Variants in SLC7A2 observed in about 807,000 individuals in gnomAD.
SLC7A2 encodes cationic amino acid transporter 2.
SLC7A2 carries 48 observed loss-of-function variants against 58.9 expected under a neutral mutation model. The ratio of observed to expected loss-of-function variants is 0.82; its 90% CI spans 0.65 to 1.04. SLC7A2 has a LOEUF of 1.04. Among genes scored for constraint, SLC7A2 ranks in the 50% least tolerant of loss-of-function variants. SLC7A2 has a pLI of 0.00. For synonymous variants in SLC7A2, 363 were observed against 314.5 expected (o/e 1.15, Z -1.63); for missense variants, 1,029 against 818.8 (o/e 1.26, Z -3.13).
At chr8:17,564,310 G>A (rs1224302336) in intron 12 of SLC7A2, among the ~76,000 whole-genome samples, 1 of 152,144 alleles carries the variant, frequency 6.6e-6, no homozygotes, top group East Asian at 1.9e-4. Flanking sequence ...TGACTTCTAA[G>A]AACATCAATT....
At chr8:17,516,291 T>C (rs1014666563) in intron 2 of SLC7A2, among the ~76,000 whole-genome samples, 1 of 152,142 alleles carries the variant, frequency 6.6e-6, no homozygotes, top group African/African-American at 2.4e-5. Flanking sequence ...AGTGGCAAGA[T>C]CTCGGCTCAC....
intron 2 of SLC7A2, 30 bp from the exon 3 acceptor site, chr8:17,543,288 T>A: frequency 6.4e-7 from 1 of 1,554,926 alleles, no homozygotes; most frequent in Non-Finnish European, 8.7e-7. Flanking sequence ...CAATTCCAGA[T>A]CAGCTTCTAA....
chr8:17,524,927 C>T (rs1247112116), intron 2 of SLC7A2, among the ~76,000 whole-genome samples: 2 of 152,070 alleles, frequency 1.3e-5, no homozygotes, highest in Non-Finnish European at 2.9e-5. Flanking sequence ...AGCACTTTAA[C>T]TTTTGGAAGT....
intron 2 of SLC7A2, among the ~76,000 whole-genome samples, chr8:17,534,113 C>A (rs1026804811): frequency 2.6e-5 from 4 of 152,154 alleles, no homozygotes; most frequent in Non-Finnish European, 5.9e-5. Context: ...TTGATGGCTG[C>A]ATAGTATTCC....
Position 17,543,675 on chromosome 8 carries a change from C to A in SLC7A2, c.336C>A (p.Ala112=). The A allele has an allele frequency of 6.6e-7, 1 of 1,523,574 alleles. No individual in the cohort carries two copies. The highest frequency in any genetic ancestry group is 8.8e-7 in the Non-Finnish European group (1 of 1,137,060). The allele number at this position is 1,523,574 out of a possible 1,614,324, so 94.4% of individuals were successfully genotyped here. The change falls in exon 3 of 13, where the codon GCC becomes GCA. Residue 112 remains alanine (A), a synonymous_variant. Coordinates refer to ENST00000494857, the MANE Select transcript of SLC7A2 (RefSeq NM_001370338.1). ...ACGTGACTGTCGGAGAGCTGTGGGC[C>A]TTCATCACTGGCTGGAATCTCATTT... ...YTYVTVGELW[A]FITGWNLILS...
intron 6 of SLC7A2, 111 bp from the exon 7 acceptor site, chr8:17,551,653 C>A (rs1012061902): frequency 1.8e-5 from 14 of 780,818 alleles, no homozygotes; most frequent in Admixed American, 1.5e-4. Context: ...AGAAAAGGGA[C>A]AAAAGCAGAG....
At chr8:17,494,676 C>G (rs1333237038), upstream of SLC7A2, among the ~76,000 whole-genome samples, 2 of 152,100 alleles carry the variant, frequency 1.3e-5, no homozygotes, top group Non-Finnish European at 2.9e-5. Flanking sequence ...ATACTAAATC[C>G]GTGGGCATCC....
chr8:17,524,640 G>T (rs1801153012), intron 2 of SLC7A2, among the ~76,000 whole-genome samples: 1 of 152,110 alleles, frequency 6.6e-6, no homozygotes, highest in South Asian at 2.1e-4. Context: ...TGATACACTG[G>T]ACTTTGGGGA....
chr8:17,505,945 A>G (rs927321615), intron 2 of SLC7A2, among the ~76,000 whole-genome samples: 1 of 152,258 alleles, frequency 6.6e-6, no homozygotes, highest in African/African-American at 2.4e-5. Context: ...ATGTTTGTTT[A>G]ATAACATGCT....
intron 2 of SLC7A2, among the ~76,000 whole-genome samples, chr8:17,504,996 T>TAGC (rs974200168): frequency 3.1e-4 from 47 of 152,150 alleles, no homozygotes; most frequent in African/African-American, 1.1e-3. Flanking sequence ...TCTAAGATCA[T>TAGC]AGCAGCTGTT....
chr8:17,511,704 A>G (rs1342274652), intron 2 of SLC7A2, among the ~76,000 whole-genome samples: 1 of 152,244 alleles, frequency 6.6e-6, no homozygotes, highest in Non-Finnish European at 1.5e-5. Context: ...TTTTTCAAGG[A>G]TAATAATCAT....
chr8:17,514,743 G>A (rs1303163085), intron 2 of SLC7A2, among the ~76,000 whole-genome samples: 2 of 152,264 alleles, frequency 1.3e-5, no homozygotes, highest in South Asian at 4.1e-4. Context: ...TCATTCCTAA[G>A]CAGATTCTAC....
At position 17,520,729 on chromosome 8, in the gene SLC7A2, G is replaced by A. The variant is rs76025388; in HGVS notation, c.-23+18427G>A. ...TACAAAAAAGTTTCAAGGAGGAGAT[G>A]GGAGATGAGAAGGACCTTGAGAGGA... On this transcript the variant is annotated intron_variant, in intron 2 of 12. Transcript: ENST00000494857. 125 of 915,538 alleles carry A rather than the reference G, an allele frequency of 1.4e-4. 1 individual carries two copies. The East Asian group carries it at 0.011, about 83-fold the overall frequency. The allele number at this position is 915,538 out of a possible 1,614,324, so 56.7% of individuals were successfully genotyped here.
Position 17,542,292 on chromosome 8 carries a change from AC to A in SLC7A2, c.-22-1022del, listed in dbSNP as rs2150736060. Among the ~76,000 whole-genome samples, 2 of 152,262 alleles carry A rather than the reference AC, an allele frequency of 1.3e-5. 1 individual carries two copies. The highest frequency in any genetic ancestry group is 4.2e-4 in the South Asian group (2 of 4,806). Reference sequence around the variant, plus strand: ...ATAGCTAAGTCCTGTAAGGCTAGAGACCCCATCTATGTAAGAGATCATTCTA... The same window carrying A: ...ATAGCTAAGTCCTGTAAGGCTAGAGACCCATCTATGTAAGAGATCATTCTA... On this transcript the variant is annotated intron_variant, in intron 2 of 12. Coordinates refer to ENST00000494857, the MANE Select transcript of SLC7A2 (RefSeq NM_001370338.1).
intron 2 of SLC7A2, among the ~76,000 whole-genome samples, chr8:17,517,668 C>T (rs1800855739): frequency 6.6e-6 from 1 of 151,894 alleles, no homozygotes. Flanking sequence ...CCTTTAATAA[C>T]TATTACATTT....
chr8:17,504,383 C>G (rs1295712297), intron 2 of SLC7A2, among the ~76,000 whole-genome samples: 1 of 152,122 alleles, frequency 6.6e-6, no homozygotes, highest in Non-Finnish European at 1.5e-5. Flanking sequence ...ATTAGTTGCA[C>G]TTTAAATTAT....
At chr8:17,510,405 C>A (rs1262363205) in intron 2 of SLC7A2, among the ~76,000 whole-genome samples, 3 of 152,078 alleles carry the variant, frequency 2.0e-5, no homozygotes, top group Non-Finnish European at 4.4e-5. Context: ...GTAGAATTGG[C>A]ACACTGTCGT....
At chr8:17,501,774 G>T (rs1306501170) in intron 1 of SLC7A2, among the ~76,000 whole-genome samples, 1 of 151,770 alleles carries the variant, frequency 6.6e-6, no homozygotes, top group Non-Finnish European at 1.5e-5. Flanking sequence ...ACCCATTCTG[G>T]CACTGCTGCG....
intron 3 of SLC7A2, 132 bp downstream of exon 3, chr8:17,543,847 A>G (rs1271016374): frequency 1.0e-5 from 7 of 701,904 alleles, no homozygotes; most frequent in Non-Finnish European, 1.4e-5. Context: ...GTCATCTCGA[A>G]AATGTCTCCT....
Sources: allele counts gnomAD v4.1 joint callset (sites outside exome capture counted in the v4.1 genomes callset), GRCh38; gene constraint gnomAD v4.1.1; transcripts MANE v1.5; gene names NCBI Gene and HGNC (gene_info 2026-07-23, HGNC 2026-07-21).